SLC25A21: variants seen among roughly 807,000 people sequenced by gnomAD.
SLC25A21 encodes solute carrier family 25 member 21, also known as mitochondrial 2-oxodicarboxylate carrier.
In SLC25A21, 47 loss-of-function variants were observed where a neutral mutation model predicts 43.8. The observed-to-expected ratio is 1.07, with a 90% confidence interval of 0.85 to 1.37. The LOEUF (loss-of-function observed/expected upper bound fraction) is 1.37, where lower values mean the gene tolerates loss of function less well. Among genes scored for constraint, SLC25A21 ranks in the 40% most tolerant of loss-of-function variants. The pLI is 0.00. For synonymous variants in SLC25A21, 131 were observed against 121.3 expected (o/e 1.08, Z -0.52); for missense variants, 352 against 350.2 (o/e 1.00, Z -0.04).
At chr14:36,874,600 TAGA>T (rs1890465969) in intron 2 of SLC25A21, among the ~76,000 whole-genome samples, 1 of 152,204 alleles carries the variant, frequency 6.6e-6, no homozygotes, top group Non-Finnish European at 1.5e-5. Flanking sequence ...GACTATTAAA[TAGA>T]GATCTGTTAG....
chr14:37,146,831 A>C (rs1395371785), intron 1 of SLC25A21, among the ~76,000 whole-genome samples: 1 of 152,230 alleles, frequency 6.6e-6, no homozygotes, highest in Non-Finnish European at 1.5e-5. Context: ...GTTTATTCAA[A>C]TGTAAGAATA....
rs76864745 is a variant in SLC25A21, at chr14:36,998,859, A to T, written c.71-123855T>A. Among the ~76,000 whole-genome samples the T allele has an allele frequency of 9.2e-3, 1,407 of 152,258 alleles. 23 individuals are homozygous for T. The highest frequency in any genetic ancestry group is 0.032 in the African/African-American group (1,325 of 41,558). On this transcript the variant is annotated intron_variant, in intron 1 of 9. Coordinates refer to ENST00000331299, the MANE Select transcript of SLC25A21 (RefSeq NM_030631.4). ...ATTAAAACAACAATGAGACAGCATT[A>T]CACATCTATTAGGATGGCCAAAATC...
intron 2 of SLC25A21, among the ~76,000 whole-genome samples, chr14:36,868,970 G>C (rs1221041778): frequency 6.6e-6 from 1 of 152,160 alleles, no homozygotes; most frequent in East Asian, 1.9e-4. Flanking sequence ...CATGATTCTA[G>C]CTCCCAGCAG....
At chr14:36,725,421 G>A (rs1313553711) in intron 6 of SLC25A21, 149 bp downstream of exon 6, 2 of 260,378 alleles carry the variant, frequency 7.7e-6, no homozygotes, top group Non-Finnish European at 1.3e-5. Flanking sequence ...GTTGCGGTGA[G>A]CCGAGATTGC....
chr14:36,896,451 G>T (rs1268967029), intron 1 of SLC25A21, among the ~76,000 whole-genome samples: 1 of 152,110 alleles, frequency 6.6e-6, no homozygotes, highest in African/African-American at 2.4e-5. Context: ...CGTGAGATGG[G>T]TTTCCTGAAT....
chr14:37,068,423 T>C (rs1388641879), intron 1 of SLC25A21, among the ~76,000 whole-genome samples: 2 of 151,916 alleles, frequency 1.3e-5, no homozygotes, highest in Non-Finnish European at 2.9e-5. Flanking sequence ...ATTCAAGGTA[T>C]GATGATTTTT....
At chr14:37,159,255 A>G (rs954140662) in intron 1 of SLC25A21, among the ~76,000 whole-genome samples, 1 of 152,084 alleles carries the variant, frequency 6.6e-6, no homozygotes, top group South Asian at 2.1e-4. Flanking sequence ...ATCAAAAAAG[A>G]GGCAAAATAG....
At chr14:36,814,428 CCTGA>C (rs1376071951) in intron 2 of SLC25A21, among the ~76,000 whole-genome samples, 1 of 151,948 alleles carries the variant, frequency 6.6e-6, no homozygotes, top group Non-Finnish European at 1.5e-5. Context: ...TACAGAGTAG[CCTGA>C]CTAATATTCA....
At chr14:36,895,687 A>G (rs1891217509) in intron 1 of SLC25A21, among the ~76,000 whole-genome samples, 1 of 152,046 alleles carries the variant, frequency 6.6e-6, no homozygotes, top group South Asian at 2.1e-4. Context: ...AGTGCTATAA[A>G]TTTCCCTCTA....
At chr14:36,915,620 G>A (rs1031597348) in intron 1 of SLC25A21, among the ~76,000 whole-genome samples, 11 of 152,162 alleles carry the variant, frequency 7.2e-5, no homozygotes, top group Admixed American at 5.9e-4. Flanking sequence ...TGTGATACAT[G>A]TGCCTTCCCC....
At chr14:36,697,813 A>T (rs1883102899) in intron 7 of SLC25A21, among the ~76,000 whole-genome samples, 1 of 144,938 alleles carries the variant, frequency 6.9e-6, no homozygotes, top group Admixed American at 7.3e-5. Flanking sequence ...GCATCTTTGC[A>T]TGTGAGATGG....
At chr14:37,049,443 G>A (rs1381691040) in intron 1 of SLC25A21, among the ~76,000 whole-genome samples, 1 of 152,008 alleles carries the variant, frequency 6.6e-6, no homozygotes, top group African/African-American at 2.4e-5. Flanking sequence ...ATGGTGGTGT[G>A]TGCCTACAGT....
intron 7 of SLC25A21, among the ~76,000 whole-genome samples, chr14:36,699,241 T>C (rs1308311127): frequency 6.6e-6 from 1 of 152,170 alleles, no homozygotes; most frequent in Non-Finnish European, 1.5e-5. Flanking sequence ...CCTGTTTGCC[T>C]GGGTATCACC....
chr14:36,979,240 T>C (rs1959955770), intron 1 of SLC25A21, among the ~76,000 whole-genome samples: 2 of 151,786 alleles, frequency 1.3e-5, no homozygotes, highest in South Asian at 4.1e-4. Flanking sequence ...TATATTCCTA[T>C]ATTGAAAAAC....
rs190351363 is a variant in SLC25A21 at position 36,690,597 on chromosome 14, G to A, written c.604-5672C>T. Among the ~76,000 whole-genome samples the A allele has an allele frequency of 5.0e-4, 76 of 152,290 alleles. 2 individuals are homozygous for A. In the South Asian group the frequency reaches 0.015, roughly 29 times the overall value. ...GTCTTTATATGTCCATTCCTACACTGGGTGCTAGAGTTGGATATGAAGGTA... is the reference window on the plus strand; with the variant it reads ...GTCTTTATATGTCCATTCCTACACTAGGTGCTAGAGTTGGATATGAAGGTA... On this transcript the variant is annotated intron_variant, in intron 7 of 9. Coordinates refer to ENST00000331299, the MANE Select transcript of SLC25A21 (RefSeq NM_030631.4).
intron 1 of SLC25A21, among the ~76,000 whole-genome samples, chr14:37,132,256 C>T (rs181559027): frequency 3.3e-5 from 5 of 152,212 alleles, no homozygotes; most frequent in East Asian, 3.9e-4. Flanking sequence ...TTGGGGATTA[C>T]GTTTCGCACA....
At chr14:36,833,282 C>G (rs185036468) in intron 2 of SLC25A21, among the ~76,000 whole-genome samples, 6 of 152,236 alleles carry the variant, frequency 3.9e-5, no homozygotes, top group Non-Finnish European at 7.4e-5. Context: ...ATGGAGAAAA[C>G]TAATTTGAAG....
intron 1 of SLC25A21, among the ~76,000 whole-genome samples, chr14:37,033,124 T>C (rs1360263638): frequency 2.6e-5 from 4 of 151,818 alleles, no homozygotes; most frequent in Non-Finnish European, 4.4e-5. Flanking sequence ...AAACAACAGC[T>C]CTCCGTTTCC....
intron 1 of SLC25A21, among the ~76,000 whole-genome samples, chr14:37,131,553 AT>A (rs1963391914): frequency 6.6e-6 from 1 of 152,200 alleles, no homozygotes; most frequent in East Asian, 1.9e-4. Flanking sequence ...TGACTTGTGG[AT>A]TTTTTTCACA....
Sources: gnomAD v4.1 joint callset for allele counts (sites outside exome capture counted in the v4.1 genomes callset) on GRCh38, gnomAD v4.1.1 for gene constraint, MANE v1.5 for transcripts, NCBI Gene and HGNC (gene_info 2026-07-23, HGNC 2026-07-21) for gene names.